The following NPSR1 variants were observed in gnomAD, a reference collection of about 807,000 sequenced individuals.
The protein encoded by NPSR1 is neuropeptide S receptor 1.
A neutral mutation model predicts 46.9 loss-of-function variants in NPSR1; 48 were observed. The ratio of observed to expected loss-of-function variants is 1.02; its 90% CI spans 0.81 to 1.30. NPSR1 has a LOEUF of 1.30. NPSR1 is among the 50% of genes most tolerant of loss of function. NPSR1 has a pLI of 0.00. For missense variants in NPSR1, 450 were observed against 449.5 expected, an observed-to-expected ratio of 1.00 and a Z score of -0.01; for synonymous variants, 176 against 168.1, an observed-to-expected ratio of 1.05 and a Z score of -0.36.
intron 1 of NPSR1, among the ~76,000 whole-genome samples, chr7:34,681,927 C>G (rs999237647): frequency 7.2e-5 from 11 of 152,250 alleles, no homozygotes; most frequent in Admixed American, 4.6e-4. Context: ...ATATAATTGA[C>G]TATCCAACCA....
intron 8 of NPSR1, among the ~76,000 whole-genome samples, chr7:34,860,609 G>T (rs1791167481): frequency 6.6e-6 from 1 of 151,748 alleles, no homozygotes; most frequent in Non-Finnish European, 1.5e-5. Context: ...ATGCTGTTTT[G>T]ATGGAAATAT....
At chr7:34,810,257 A>G (rs1788916293) in intron 3 of NPSR1, among the ~76,000 whole-genome samples, 1 of 152,256 alleles carries the variant, frequency 6.6e-6, no homozygotes, top group Non-Finnish European at 1.5e-5. Context: ...AAGTGGAGAT[A>G]CAGCCAGACT....
At chr7:34,862,227 G>A (rs1375599402) in intron 8 of NPSR1, among the ~76,000 whole-genome samples, 2 of 151,708 alleles carry the variant, frequency 1.3e-5, no homozygotes, top group Non-Finnish European at 2.9e-5. Context: ...AATTGCGGGA[G>A]TGGGAGTTGG....
chr7:34,805,536 A>G (rs761130979), intron 3 of NPSR1, among the ~76,000 whole-genome samples: 3 of 151,226 alleles, frequency 2.0e-5, no homozygotes, highest in African/African-American at 4.8e-5. Context: ...ACAAAAACCA[A>G]CTCAGTTTAG....
At chr7:34,789,519 G>A (rs145175080) in intron 3 of NPSR1, among the ~76,000 whole-genome samples, 30 of 151,956 alleles carry the variant, frequency 2.0e-4, no homozygotes, top group African/African-American at 5.5e-4. Context: ...TCAGCCAGGC[G>A]TAGTGGCTCA....
At chr7:34,832,573 T>A (rs894322619) in intron 5 of NPSR1, among the ~76,000 whole-genome samples, 1 of 152,006 alleles carries the variant, frequency 6.6e-6, no homozygotes, top group African/African-American at 2.4e-5. Flanking sequence ...ATCACTAAGC[T>A]CCAAGAAGTA....
intron 7 of NPSR1, among the ~76,000 whole-genome samples, chr7:34,847,299 G>A (rs1790769907): frequency 6.6e-6 from 1 of 152,150 alleles, no homozygotes; most frequent in African/African-American, 2.4e-5. Flanking sequence ...GTGGGAGAAG[G>A]AGAGTGGAGA....
intron 2 of NPSR1, among the ~76,000 whole-genome samples, chr7:34,772,926 C>G (rs550504793): frequency 2.0e-5 from 3 of 152,130 alleles, no homozygotes; most frequent in Non-Finnish European, 4.4e-5. Flanking sequence ...CTGCTAGTCC[C>G]TAGACACAAA....
chr7:34,687,221 TAAAC>T (rs527256074), intron 2 of NPSR1, among the ~76,000 whole-genome samples: 73 of 152,100 alleles, frequency 4.8e-4, no homozygotes, highest in African/African-American at 1.8e-3. Flanking sequence ...GTTACAATGA[TAAAC>T]AGACAAAGAA....
At chr7:34,678,304 C>T (rs1047458976) in intron 1 of NPSR1, among the ~76,000 whole-genome samples, 3 of 150,106 alleles carry the variant, frequency 2.0e-5, no homozygotes, top group Non-Finnish European at 4.4e-5. Context: ...TCACTGCAAC[C>T]TCCGCCTCCC....
Position 34,685,056 on chromosome 7 carries a change from T to A in NPSR1, c.280+372T>A, listed in dbSNP as rs28461805. On this transcript the variant is annotated intron_variant, in intron 2 of 8. Coordinates refer to ENST00000360581, the MANE Select transcript of NPSR1 (RefSeq NM_207172.2). The stretch of plus-strand genomic sequence containing the variant: ...CATCCCAGAAAATGTACCAGCACTA[T>A]CTCTATTAAATTATTAATGTTAAGT... Among the ~76,000 whole-genome samples the A allele has an allele frequency of 7.6e-4, 116 of 152,322 alleles. 1 individual carries two copies. Among genetic ancestry groups the A allele is most frequent in the African/African-American group, 2.7e-3 (112 of 41,570 alleles).
At chr7:34,670,082 C>G (rs1399273074) in intron 1 of NPSR1, among the ~76,000 whole-genome samples, 1 of 152,004 alleles carries the variant, frequency 6.6e-6, no homozygotes, top group Non-Finnish European at 1.5e-5. Flanking sequence ...TAATTTTAAT[C>G]AAAACTTCAA....
intron 2 of NPSR1, among the ~76,000 whole-genome samples, chr7:34,687,733 G>T (rs1793010939): frequency 6.6e-6 from 1 of 152,144 alleles, no homozygotes; most frequent in African/African-American, 2.4e-5. Context: ...TGCTGTGCTT[G>T]CAAAAATTTT....
intron 2 of NPSR1, among the ~76,000 whole-genome samples, chr7:34,737,427 T>C (rs1198604140): frequency 1.3e-5 from 2 of 152,218 alleles, no homozygotes; most frequent in South Asian, 2.1e-4. Flanking sequence ...TACCACCCAT[T>C]AGAGGAAAAC....
intron 1 of NPSR1, among the ~76,000 whole-genome samples, chr7:34,679,530 T>C (rs1792506172): frequency 6.6e-6 from 1 of 152,156 alleles, no homozygotes; most frequent in Non-Finnish European, 1.5e-5. Flanking sequence ...TCGGAAACTG[T>C]GACTTTAAGC....
chr7:34,792,725 A>ATGTATATATATATATTTATATATATATG (rs1174651923), intron 3 of NPSR1, among the ~76,000 whole-genome samples: 23 of 110,788 alleles, frequency 2.1e-4, no homozygotes, highest in Non-Finnish European at 3.7e-4. Flanking sequence ...TTATATATAT[A>ATGTATATATATATATTTATATATATATG]TATATATATT....
chr7:34,849,667 G>A lies in NPSR1; in HGVS notation c.*12G>A. ...CAGAATTCATCTAGACCCTAGGGCA[G>A]TGCCAGTGCTAGGCTGAGCACCATC... On this transcript the variant is annotated 3_prime_UTR_variant, in exon 9 of 9. Transcript: ENST00000360581. 1.2e-6 allele frequency: 2 copies of A among 1,614,006 alleles called. No individual in the cohort carries two copies. The highest frequency in any genetic ancestry group is 1.1e-5 in the South Asian group (1 of 91,058).
At chr7:34,805,479 CAAAA>C (rs57776086) in intron 3 of NPSR1, among the ~76,000 whole-genome samples, 10 of 71,940 alleles carry the variant, frequency 1.4e-4, no homozygotes, top group African/African-American at 5.0e-4. Flanking sequence ...TATCCACATG[CAAAA>C]AAAAAAAAAA....
intron 3 of NPSR1, among the ~76,000 whole-genome samples, chr7:34,798,450 T>C (rs1788292321): frequency 6.6e-6 from 1 of 151,944 alleles, no homozygotes; most frequent in Admixed American, 6.6e-5. Context: ...CAGGAGAATC[T>C]CTTGAACCCG....
Sources: gnomAD v4.1 joint callset for allele counts (sites outside exome capture counted in the v4.1 genomes callset) on GRCh38, gnomAD v4.1.1 for gene constraint, MANE v1.5 for transcripts, NCBI Gene and HGNC (gene_info 2026-07-23, HGNC 2026-07-21) for gene names.